Variants in FHL2 observed in about 807,000 individuals in gnomAD.
FHL2 encodes four and a half LIM domains protein 2.
Under a neutral mutation model 32.7 loss-of-function variants are expected in FHL2, and 20 were observed. The ratio of observed to expected loss-of-function variants is 0.61; its 90% CI spans 0.43 to 0.89. FHL2 has a LOEUF of 0.89. FHL2 is among the 40% of genes least tolerant of loss of function. The probability of loss-of-function intolerance (pLI) is 0.00; values close to 1 mark genes in which losing one functional copy is unlikely to be tolerated. For missense variants in FHL2, 311 were observed against 358.6 expected (o/e 0.87, Z 1.07); for synonymous variants, 123 against 128.1 (o/e 0.96, Z 0.27).
chr2:105,419,212 T>A (rs925243061), intron 1 of FHL2, among the ~76,000 whole-genome samples: 27 of 152,114 alleles, frequency 1.8e-4, no homozygotes, highest in African/African-American at 3.4e-4. Context: ...TTTTAAAAAA[T>A]TTTTTTATTT....
intron 1 of FHL2, among the ~76,000 whole-genome samples, chr2:105,397,873 G>GT (rs1192168352): frequency 2.5e-4 from 10 of 40,388 alleles, no homozygotes; most frequent in East Asian, 1.2e-3. Context: ...AATGGTTTTT[G>GT]TTTTTTTGTT....
chr2:105,407,187 T>C (rs1379301343), intron 1 of FHL2, among the ~76,000 whole-genome samples: 1 of 152,092 alleles, frequency 6.6e-6, no homozygotes, highest in Non-Finnish European at 1.5e-5. Flanking sequence ...GGTCAAGAGA[T>C]AGAGACCATC....
intron 2 of FHL2, among the ~76,000 whole-genome samples, chr2:105,387,891 G>A (rs915334264): frequency 6.6e-6 from 1 of 152,214 alleles, no homozygotes; most frequent in Non-Finnish European, 1.5e-5. Context: ...TAAAGAAAAT[G>A]TGGTACATAT....
intron 3 of FHL2, among the ~76,000 whole-genome samples, chr2:105,384,751 A>G (rs140458168): frequency 0.011 from 1,682 of 152,094 alleles, 16 homozygotes; most frequent in Non-Finnish European, 0.018. Context: ...CAATTGATTC[A>G]CCCGCCTTGG....
chr2:105,378,234 A>T (rs1263493627), intron 3 of FHL2: 1 of 468,572 alleles, frequency 2.1e-6, no homozygotes, highest in Non-Finnish European at 4.4e-6. Flanking sequence ...ACAGTTTAAG[A>T]CTGATTCATT....
intron 6 of FHL2, chr2:105,362,989 A>C (rs903405331): frequency 1.2e-5 from 4 of 347,160 alleles, no homozygotes; most frequent in Non-Finnish European, 5.3e-6. Flanking sequence ...TGCTTTTGTG[A>C]TGTCACAGGC....
At chr2:105,412,580 A>G (rs1683824968) in intron 1 of FHL2, among the ~76,000 whole-genome samples, 1 of 152,230 alleles carries the variant, frequency 6.6e-6, no homozygotes, top group Non-Finnish European at 1.5e-5. Context: ...CAGTAGAGCA[A>G]AAGAGCAAAT....
intron 1 of FHL2, among the ~76,000 whole-genome samples, chr2:105,407,119 G>C (rs116567542): frequency 6.6e-6 from 1 of 152,290 alleles, no homozygotes; most frequent in Non-Finnish European, 1.5e-5. Flanking sequence ...GCTGCTGGGC[G>C]TGGTGGCTCA....
chr2:105,394,043 A>G (rs1317388537), intron 2 of FHL2, among the ~76,000 whole-genome samples: 1 of 152,172 alleles, frequency 6.6e-6, no homozygotes, highest in Middle Eastern at 3.2e-3. Context: ...CAGACATGTG[A>G]TGCCTATAAT....
intron 1 of FHL2, among the ~76,000 whole-genome samples, chr2:105,397,689 G>A (rs1402789184): frequency 2.0e-5 from 3 of 152,146 alleles, no homozygotes; most frequent in African/African-American, 4.8e-5. Flanking sequence ...AATAAACACC[G>A]TGGAAACACA....
At chr2:105,422,135 C>T (rs761216885) in intron 1 of FHL2, among the ~76,000 whole-genome samples, 2 of 152,134 alleles carry the variant, frequency 1.3e-5, no homozygotes, top group Non-Finnish European at 2.9e-5. Flanking sequence ...GCGTTGTGGA[C>T]CAGAAAGGAA....
chr2:105,378,011 A>G (rs968719428), intron 3 of FHL2: 7 of 463,926 alleles, frequency 1.5e-5, no homozygotes, highest in Non-Finnish European at 2.7e-5. Context: ...AGAAAAACTG[A>G]GAGAGAAATC....
chr2:105,425,842 T>C (rs1684248365), intron 1 of FHL2, among the ~76,000 whole-genome samples: 1 of 152,108 alleles, frequency 6.6e-6, no homozygotes. Context: ...TCCTACTACA[T>C]TCCTTTTTGC....
chr2:105,407,770 G>T (rs1361162037), intron 1 of FHL2, among the ~76,000 whole-genome samples: 1 of 152,094 alleles, frequency 6.6e-6, no homozygotes. Context: ...CTAGTGAGGG[G>T]CTTCTTCTCC....
intron 1 of FHL2, among the ~76,000 whole-genome samples, chr2:105,418,787 A>G (rs1684010809): frequency 6.6e-6 from 1 of 152,242 alleles, no homozygotes; most frequent in South Asian, 2.1e-4. Flanking sequence ...GTACAGTACA[A>G]TATTTTGACA....
chr2:105,414,851 C>A (rs890455994), intron 1 of FHL2, among the ~76,000 whole-genome samples: 2 of 152,140 alleles, frequency 1.3e-5, no homozygotes, highest in African/African-American at 2.4e-5. Flanking sequence ...CTGTGCCTGG[C>A]CAGATTTAAA....
At chr2:105,387,965 T>G (rs1304291491) in intron 2 of FHL2, among the ~76,000 whole-genome samples, 1 of 152,170 alleles carries the variant, frequency 6.6e-6, no homozygotes. Flanking sequence ...GGAACACGGA[T>G]GGAGCTGGAG....
intron 1 of FHL2, 98 bp downstream of exon 1, chr2:105,398,743 AC>A: frequency 9.9e-7 from 1 of 1,005,508 alleles, no homozygotes. Flanking sequence ...TCCCGGGTCT[AC>A]CCCACAGCTC....
chr2:105,431,539 T>C (rs1336368162), intron 1 of FHL2, among the ~76,000 whole-genome samples: 1 of 152,192 alleles, frequency 6.6e-6, no homozygotes, highest in Non-Finnish European at 1.5e-5. Context: ...GGGCAGTGCT[T>C]GGCACAGCTG....
Sources: allele counts gnomAD v4.1 joint callset (sites outside exome capture counted in the v4.1 genomes callset), GRCh38; gene constraint gnomAD v4.1.1; transcripts MANE v1.5; gene names NCBI Gene and HGNC (gene_info 2026-07-23, HGNC 2026-07-21).